Variants in CERS6 observed in about 807,000 individuals in gnomAD.
CERS6 encodes LAG1 homolog, ceramide synthase 6.
In CERS6, 26 loss-of-function variants were observed where a neutral mutation model predicts 56.8. That is an observed-to-expected ratio of 0.46 (90% confidence interval 0.34 to 0.63). The LOEUF (loss-of-function observed/expected upper bound fraction) is 0.63, where lower values mean the gene tolerates loss of function less well. CERS6 is among the 30% of genes least tolerant of loss of function. The pLI is 0.01. For missense variants in CERS6, 415 were observed against 467.5 expected, an observed-to-expected ratio of 0.89 and a Z score of 1.04; for synonymous variants, 164 against 173.3, an observed-to-expected ratio of 0.95 and a Z score of 0.42.
chr2:168,676,626 C>A (rs1686066418), intron 4 of CERS6, among the ~76,000 whole-genome samples: 1 of 152,174 alleles, frequency 6.6e-6, no homozygotes, highest in African/African-American at 2.4e-5. Flanking sequence ...AAAATGTCTA[C>A]AAGTACTTAA....
At chr2:168,635,473 C>A (rs1457043995) in intron 4 of CERS6, among the ~76,000 whole-genome samples, 1 of 152,118 alleles carries the variant, frequency 6.6e-6, no homozygotes, top group Non-Finnish European at 1.5e-5. Context: ...CCTCTTGCAG[C>A]CTTCCAGCCT....
intron 3 of CERS6, among the ~76,000 whole-genome samples, chr2:168,620,724 GAC>G (rs1684450209): frequency 6.6e-6 from 1 of 150,784 alleles, no homozygotes; most frequent in African/African-American, 2.4e-5. Flanking sequence ...GCAGAAAACT[GAC>G]ACCAAGCAGG....
intron 1 of CERS6, among the ~76,000 whole-genome samples, chr2:168,499,424 GA>G (rs1694538928): frequency 6.6e-6 from 1 of 152,208 alleles, no homozygotes; most frequent in Non-Finnish European, 1.5e-5. Flanking sequence ...ACAAAGTGGT[GA>G]GTTATGACAT....
chr2:168,467,325 A>G (rs1207241442), intron 1 of CERS6, among the ~76,000 whole-genome samples: 1 of 152,222 alleles, frequency 6.6e-6, no homozygotes, highest in East Asian at 1.9e-4. Context: ...TGGTGGTTTA[A>G]GCAGTGGCAG....
chr2:168,561,206 G>T lies in CERS6; in HGVS notation c.291G>T (p.Lys97Asn). 1 of 1,614,008 alleles carries T rather than the reference G, an allele frequency of 6.2e-7. No individual in the cohort carries two copies. The highest frequency in any genetic ancestry group is 1.1e-5 in the South Asian group (1 of 91,072). Residue 97 changes from lysine (K) to asparagine (N), a missense_variant, in exon 3 of 10, where the codon AAG becomes AAT. Transcript: ENST00000305747. ...FTAITKHPDE[K>N]RLEGLSKQLD... The stretch of plus-strand genomic sequence containing the variant: ...TTGTTTCATAGCATCCTGATGAAAA[G>T]AGATTGGAAGGCCTCTCCAAGCAAC...
At chr2:168,559,754 T>TATATATATATATATATATAGATATA (rs56014027) in intron 2 of CERS6, among the ~76,000 whole-genome samples, 1 of 123,908 alleles carries the variant, frequency 8.1e-6, no homozygotes, top group Non-Finnish European at 1.8e-5. Flanking sequence ...TATATATATA[T>TATATATATATATATATATAGATATA]TTCACCCTTA....
intron 3 of CERS6, among the ~76,000 whole-genome samples, chr2:168,570,654 C>T (rs772803527): frequency 5.9e-5 from 9 of 152,030 alleles, no homozygotes; most frequent in Non-Finnish European, 1.2e-4. Context: ...CTCCTGTGTG[C>T]AGGAGAAGTA....
intron 3 of CERS6, among the ~76,000 whole-genome samples, chr2:168,574,573 C>A (rs999615458): frequency 6.6e-6 from 1 of 152,082 alleles, no homozygotes; most frequent in African/African-American, 2.4e-5. Flanking sequence ...AAGGCGATAA[C>A]CTTAAAAACC....
At chr2:168,491,073 G>A (rs1033033686) in intron 1 of CERS6, among the ~76,000 whole-genome samples, 4 of 152,188 alleles carry the variant, frequency 2.6e-5, no homozygotes, top group African/African-American at 7.2e-5. Flanking sequence ...GTGCCAAAGA[G>A]GTGAGGGAAG....
intron 3 of CERS6, among the ~76,000 whole-genome samples, chr2:168,597,392 G>A (rs1683826594): frequency 1.3e-5 from 2 of 152,256 alleles, no homozygotes; most frequent in South Asian, 4.2e-4. Context: ...TCCATGGACA[G>A]GCCAGGGGTT....
At chr2:168,567,212 A>G (rs545959111) in intron 3 of CERS6, among the ~76,000 whole-genome samples, 1 of 152,306 alleles carries the variant, frequency 6.6e-6, no homozygotes, top group East Asian at 1.9e-4. Flanking sequence ...GGTTTGGAGA[A>G]CAACTTCTGT....
chr2:168,581,044 A>T, intron 3 of CERS6, among the ~76,000 whole-genome samples: 1 of 144,176 alleles, frequency 6.9e-6, no homozygotes. Flanking sequence ...TTTGAGATGG[A>T]GTCTTACTCT....
chr2:168,663,061 A>C (rs1685672716), intron 4 of CERS6, among the ~76,000 whole-genome samples: 2 of 152,168 alleles, frequency 1.3e-5, no homozygotes, highest in Admixed American at 1.3e-4. Context: ...GACCCGCTTG[A>C]GTTCAGATCT....
At chr2:168,475,212 T>C in intron 1 of CERS6, among the ~76,000 whole-genome samples, 1 of 152,030 alleles carries the variant, frequency 6.6e-6, no homozygotes, top group Non-Finnish European at 1.5e-5. Flanking sequence ...TGTTCAAATA[T>C]AGAGAAAAGC....
At position 168,698,236 on chromosome 2, in the gene CERS6, GAA is replaced by G. The variant is rs1214508784; in HGVS notation, c.609+3202_609+3203del. On this transcript the variant is annotated intron_variant, in intron 6 of 9. Transcript: ENST00000305747. ...GATAGAGCCAGACCTTGTCTCACAG[GAA>G]AAAAAAAAAAAAAAAAGAAAAAAAA... Among the ~76,000 whole-genome samples, 879 of 124,942 alleles carry G rather than the reference GAA, an allele frequency of 7.0e-3. 9 individuals carry two copies. The highest frequency in any genetic ancestry group is 0.028 in the African/African-American group (785 of 27,910). The allele number at this position is 124,942 out of a possible 152,430, so 82.0% of individuals were successfully genotyped here.
chr2:168,768,925 AAAG>A (rs1385692307), intron 9 of CERS6, among the ~76,000 whole-genome samples: 2 of 150,488 alleles, frequency 1.3e-5, no homozygotes, highest in African/African-American at 5.0e-5. Flanking sequence ...AAAAAAAAGA[AAAG>A]AAAAAAAAAA....
chr2:168,747,623 G>C (rs1300603099), intron 8 of CERS6, among the ~76,000 whole-genome samples: 1 of 152,040 alleles, frequency 6.6e-6, no homozygotes, highest in East Asian at 1.9e-4. Flanking sequence ...ATGTATTTGA[G>C]TGGTTTCATT....
intron 1 of CERS6, among the ~76,000 whole-genome samples, chr2:168,501,881 C>T (rs967217725): frequency 3.3e-5 from 5 of 152,130 alleles, no homozygotes; most frequent in Non-Finnish European, 7.4e-5. Flanking sequence ...GTATTTTGGC[C>T]GCCCGCAGAC....
At chr2:168,739,948 G>A (rs1683844679) in intron 8 of CERS6, among the ~76,000 whole-genome samples, 1 of 152,046 alleles carries the variant, frequency 6.6e-6, no homozygotes. Context: ...GACCTCAGGT[G>A]ACCCATCCGC....
Sources: allele counts gnomAD v4.1 joint callset (sites outside exome capture counted in the v4.1 genomes callset), GRCh38; gene constraint gnomAD v4.1.1; transcripts MANE v1.5; gene names NCBI Gene and HGNC (gene_info 2026-07-23, HGNC 2026-07-21).